EXOC4: variants seen among roughly 807,000 people sequenced by gnomAD.
EXOC4 encodes SEC8-like 1.
Under a neutral mutation model 107.2 loss-of-function variants are expected in EXOC4, and 71 were observed. The observed-to-expected ratio is 0.66, with a 90% CI of 0.55 to 0.81. EXOC4 has a LOEUF of 0.81. Ranked by LOEUF, EXOC4 falls within the 30% of genes least tolerant of loss-of-function variation. The pLI is 0.00. For missense variants in EXOC4, 1,108 were observed against 1,189.6 expected, an observed-to-expected ratio of 0.93 and a Z score of 1.01; for synonymous variants, 456 against 441.2, an observed-to-expected ratio of 1.03 and a Z score of -0.42.
intron 6 of EXOC4, among the ~76,000 whole-genome samples, chr7:133,368,935 T>C (rs1160136681): frequency 6.6e-6 from 1 of 152,216 alleles, no homozygotes; most frequent in African/African-American, 2.4e-5. Flanking sequence ...CTTTTGTCTT[T>C]TTTAGATCAG....
At chr7:133,543,738 A>G (rs925460002) in intron 9 of EXOC4, among the ~76,000 whole-genome samples, 4 of 149,888 alleles carry the variant, frequency 2.7e-5, no homozygotes, top group Non-Finnish European at 5.9e-5. Context: ...CTTCTCCTCT[A>G]TAGCCGTCAA....
chr7:133,725,157 T>A (rs890257195), intron 10 of EXOC4, among the ~76,000 whole-genome samples: 19 of 152,338 alleles, frequency 1.2e-4, no homozygotes, highest in Non-Finnish European at 2.2e-4. Flanking sequence ...ACTGAATTTT[T>A]AAATTTAATA....
chr7:133,576,824 T>A, intron 9 of EXOC4: 1 of 1,289,630 alleles, frequency 7.8e-7, no homozygotes, highest in Non-Finnish European at 1.0e-6. Context: ...ACTGAACTCC[T>A]CGAGATTTAG....
At chr7:133,861,218 A>G (rs7809832) in intron 11 of EXOC4, among the ~76,000 whole-genome samples, 2,348 of 152,268 alleles carry the variant, frequency 0.015, 60 homozygotes, top group African/African-American at 0.053. Context: ...AGAAGCTACA[A>G]TAGGCCCAGA....
chr7:133,460,516 T>C (rs1266641005), intron 7 of EXOC4, among the ~76,000 whole-genome samples: 4 of 152,246 alleles, frequency 2.6e-5, no homozygotes, highest in Non-Finnish European at 4.4e-5. Flanking sequence ...ATTCCATGTT[T>C]TGAATTAACA....
At chr7:134,061,643 C>T (rs1049895070) in intron 17 of EXOC4, among the ~76,000 whole-genome samples, 1 of 152,134 alleles carries the variant, frequency 6.6e-6, no homozygotes, top group Non-Finnish European at 1.5e-5. Context: ...TCTCGATGCA[C>T]GCATGAGCTC....
intron 14 of EXOC4, among the ~76,000 whole-genome samples, chr7:133,960,618 A>G (rs1039129396): frequency 6.6e-6 from 1 of 152,250 alleles, no homozygotes. Flanking sequence ...ATAAATGCAG[A>G]AAAAGCATTT....
At chr7:134,002,639 T>G (rs1794556322) in intron 15 of EXOC4, among the ~76,000 whole-genome samples, 1 of 152,106 alleles carries the variant, frequency 6.6e-6, no homozygotes, top group Non-Finnish European at 1.5e-5. Context: ...AAAAACCCAA[T>G]TTTTAAAACT....
At chr7:133,918,206 T>A (rs1799855162) in intron 13 of EXOC4, among the ~76,000 whole-genome samples, 1 of 152,062 alleles carries the variant, frequency 6.6e-6, no homozygotes, top group Non-Finnish European at 1.5e-5. Context: ...GGTCTCGATA[T>A]CCTGACCTAA....
chr7:133,538,039 TA>T (rs1243436718), intron 9 of EXOC4, among the ~76,000 whole-genome samples: 4 of 152,146 alleles, frequency 2.6e-5, no homozygotes, highest in African/African-American at 4.8e-5. Context: ...TCTGAGGCCA[TA>T]AGAGTATTTT....
intron 10 of EXOC4, among the ~76,000 whole-genome samples, chr7:133,761,326 A>G (rs2151151453): frequency 6.6e-6 from 1 of 152,272 alleles, no homozygotes; most frequent in South Asian, 2.1e-4. Context: ...AGACTCATGA[A>G]ACTCATAAAA....
chr7:134,069,814 A>C (rs1796247929), downstream of EXOC4, among the ~76,000 whole-genome samples: 1 of 152,158 alleles, frequency 6.6e-6, no homozygotes, highest in African/African-American at 2.4e-5. Context: ...CCCACCCCAC[A>C]GCCTTTATGA....
chr7:133,577,910 A>C (rs1385614554), intron 9 of EXOC4, among the ~76,000 whole-genome samples: 1 of 152,192 alleles, frequency 6.6e-6, no homozygotes, highest in Non-Finnish European at 1.5e-5. Context: ...CTTATTTGGA[A>C]GGACATTATT....
chr7:133,750,134 A>G (rs770406956), intron 10 of EXOC4, among the ~76,000 whole-genome samples: 6 of 151,914 alleles, frequency 3.9e-5, no homozygotes, highest in Non-Finnish European at 8.8e-5. Context: ...GTTGTATATT[A>G]GAATTATCTG....
intron 17 of EXOC4, among the ~76,000 whole-genome samples, chr7:134,055,663 G>A (rs564260728): frequency 6.2e-4 from 94 of 152,306 alleles, no homozygotes; most frequent in African/African-American, 2.2e-3. Flanking sequence ...TGGAGCAGAA[G>A]CATTGTTTTT....
At chr7:133,743,718 AG>A (rs1332966819) in intron 10 of EXOC4, among the ~76,000 whole-genome samples, 2 of 152,174 alleles carry the variant, frequency 1.3e-5, no homozygotes, top group Admixed American at 6.5e-5. Flanking sequence ...CATAATTGCT[AG>A]AGATCACTGT....
chr7:133,942,185 A>G (rs543975078), intron 14 of EXOC4, among the ~76,000 whole-genome samples: 3 of 151,886 alleles, frequency 2.0e-5, no homozygotes, highest in East Asian at 1.9e-4. Context: ...CCTTCTCTCT[A>G]TCTTGGATTC....
intron 15 of EXOC4, among the ~76,000 whole-genome samples, chr7:133,998,900 G>T (rs569364805): frequency 6.6e-6 from 1 of 152,254 alleles, no homozygotes; most frequent in South Asian, 2.1e-4. Context: ...GCTGAAGGTA[G>T]AGCTAATGAA....
chr7:133,532,239 T>C (rs1800194462), intron 9 of EXOC4, among the ~76,000 whole-genome samples: 1 of 152,112 alleles, frequency 6.6e-6, no homozygotes, highest in Admixed American at 6.6e-5. Flanking sequence ...AAACTTTTTC[T>C]TTCTTCATTA....
Sources: gnomAD v4.1 joint callset for allele counts (sites outside exome capture counted in the v4.1 genomes callset) on GRCh38, gnomAD v4.1.1 for gene constraint, MANE v1.5 for transcripts, NCBI Gene and HGNC (gene_info 2026-07-23, HGNC 2026-07-21) for gene names.